PDS5A: variants seen among roughly 807,000 people sequenced by gnomAD.
PDS5A encodes PDS5 cohesin associated factor A.
A neutral mutation model predicts 167.1 loss-of-function variants in PDS5A; 42 were observed. That is an observed-to-expected ratio of 0.25 (90% CI 0.20 to 0.33). The LOEUF (loss-of-function observed/expected upper bound fraction) is 0.33. Ranked by LOEUF, PDS5A falls within the 10% of genes least tolerant of loss-of-function variation. PDS5A has a pLI of 1.00. For synonymous variants in PDS5A, 553 were observed against 554.6 expected (o/e 1.00, Z 0.04); for missense variants, 1,033 against 1,605.9 (o/e 0.64, Z 6.10).
chr4:39,904,470 C>T (rs865835759), intron 11 of PDS5A, among the ~76,000 whole-genome samples: 1 of 152,182 alleles, frequency 6.6e-6, no homozygotes, highest in Non-Finnish European at 1.5e-5. Flanking sequence ...TCCCAAGTAG[C>T]TGGGACTACA....
chr4:39,835,128 C>T (rs773210004), intron 32 of PDS5A, among the ~76,000 whole-genome samples: 38 of 152,218 alleles, frequency 2.5e-4, no homozygotes, highest in Middle Eastern at 3.4e-3. Flanking sequence ...TCAGTGGAGA[C>T]AGGCTTTCAC....
rs1731089894 is a variant in PDS5A, at chr4:39,976,434, A to G, written c.138+6T>C. On this transcript the variant is annotated splice_donor_region_variant and intron_variant, in intron 2 of 32. Transcript: ENST00000303538. The stretch of plus-strand genomic sequence containing the variant: ...CAAAGACATCAAAATCCGTCCAGAC[A>G]CTTACCTTCAGGCGTTTGATCATCT... The G allele has an allele frequency of 6.2e-7, 1 of 1,610,636 alleles. No homozygotes were observed. Among genetic ancestry groups the G allele is most frequent in the Admixed American group, 1.7e-5 (1 of 59,942 alleles).
At chr4:39,966,593 G>A (rs925992379) in intron 2 of PDS5A, among the ~76,000 whole-genome samples, 7 of 152,182 alleles carry the variant, frequency 4.6e-5, no homozygotes, top group Admixed American at 3.9e-4. Flanking sequence ...CAACAAAACA[G>A]TAGGTATTTT....
At chr4:39,845,905 A>G in intron 28 of PDS5A, 25 bp from the exon 29 acceptor site, 1 of 1,327,954 alleles carries the variant, frequency 7.5e-7, no homozygotes, top group Non-Finnish European at 9.8e-7. Flanking sequence ...AAAGAAAAAG[A>G]AAAAAGAAAC....
intron 17 of PDS5A, among the ~76,000 whole-genome samples, chr4:39,881,932 G>A (rs1299807): frequency 6.6e-6 from 1 of 152,240 alleles, no homozygotes; most frequent in Admixed American, 6.5e-5. Flanking sequence ...ATAAATCTCA[G>A]GAGATCTGAT....
chr4:39,825,997 C>T (rs1715269852), intron 32 of PDS5A, among the ~76,000 whole-genome samples: 1 of 152,088 alleles, frequency 6.6e-6, no homozygotes, highest in Admixed American at 6.6e-5. Context: ...AACCAAACAC[C>T]AATAAAGAAG....
chr4:39,925,790 TA>T, intron 5 of PDS5A, 45 bp downstream of exon 5: 1 of 717,298 alleles, frequency 1.4e-6, no homozygotes, highest in Non-Finnish European at 2.3e-6. Flanking sequence ...TCTGAATACA[TA>T]ATCAAGAAAA....
chr4:39,908,632 G>A (rs1017222497), intron 10 of PDS5A, 92 bp from the exon 11 acceptor site: 91 of 767,554 alleles, frequency 1.2e-4, no homozygotes, highest in Admixed American at 7.9e-4. Context: ...TTAAGTTTTT[G>A]TCCATACTAA....
intron 21 of PDS5A, among the ~76,000 whole-genome samples, chr4:39,871,791 C>T (rs1333638765): frequency 1.3e-5 from 2 of 152,138 alleles, no homozygotes; most frequent in Non-Finnish European, 2.9e-5. Context: ...GCAACCTCTG[C>T]CTCCCGGGTT....
At chr4:39,902,317 A>C in intron 13 of PDS5A, 30 bp downstream of exon 13, 5 of 990,630 alleles carry the variant, frequency 5.0e-6, no homozygotes, top group Non-Finnish European at 7.8e-6. Context: ...ATCCTTAGAA[A>C]ATACAGCAGT....
chr4:39,970,045 T>G (rs1044824872), intron 2 of PDS5A, among the ~76,000 whole-genome samples: 4 of 150,936 alleles, frequency 2.7e-5, no homozygotes, highest in Admixed American at 1.3e-4. Flanking sequence ...AGAAAAAGGG[T>G]TTCACTATGT....
At chr4:39,855,235 A>G (rs1386078908) in intron 26 of PDS5A, among the ~76,000 whole-genome samples, 1 of 152,334 alleles carries the variant, frequency 6.6e-6, no homozygotes, top group Admixed American at 6.5e-5. Context: ...TCAGGGTCAC[A>G]GGCTGACCAT....
chr4:39,972,092 T>A (rs958449614), intron 2 of PDS5A, among the ~76,000 whole-genome samples: 4 of 152,198 alleles, frequency 2.6e-5, no homozygotes, highest in Non-Finnish European at 5.9e-5. Flanking sequence ...AACAAATGGA[T>A]AATCAAACTC....
intron 22 of PDS5A, among the ~76,000 whole-genome samples, chr4:39,868,905 C>T (rs899381247): frequency 1.3e-5 from 2 of 152,164 alleles, no homozygotes; most frequent in Admixed American, 1.3e-4. Flanking sequence ...TGCCACAGTG[C>T]CCAGCTTGAC....
chr4:39,826,286 CCTACTCCT>C (rs1488159150), intron 32 of PDS5A, among the ~76,000 whole-genome samples: 2 of 151,080 alleles, frequency 1.3e-5, no homozygotes, highest in African/African-American at 2.4e-5. Flanking sequence ...CCTCCTCTCA[CCTACTCCT>C]CTTTGGGAGA....
intron 13 of PDS5A, among the ~76,000 whole-genome samples, chr4:39,901,416 C>CA (rs1324908910): frequency 6.6e-6 from 1 of 151,846 alleles, no homozygotes; most frequent in Non-Finnish European, 1.5e-5. Context: ...TACAGGCGTG[C>CA]ACCACCATGC....
At chr4:39,890,579 C>T (rs948879698) in intron 16 of PDS5A, among the ~76,000 whole-genome samples, 1 of 152,092 alleles carries the variant, frequency 6.6e-6, no homozygotes, top group African/African-American at 2.4e-5. Flanking sequence ...GTGAACACAG[C>T]CTTGCCTCAC....
chr4:39,973,633 G>T (rs192578575), intron 2 of PDS5A: 1 of 1,316,138 alleles, frequency 7.6e-7, no homozygotes, highest in East Asian at 2.3e-5. Context: ...AGCAGTTACA[G>T]AAATGAACGG....
intron 11 of PDS5A, among the ~76,000 whole-genome samples, chr4:39,906,043 G>A (rs1723311567): frequency 6.6e-6 from 1 of 151,842 alleles, no homozygotes; most frequent in South Asian, 2.1e-4. Context: ...TAAACTATCA[G>A]TCCAAGAATT....
Sources: allele counts gnomAD v4.1 joint callset (sites outside exome capture counted in the v4.1 genomes callset), GRCh38; gene constraint gnomAD v4.1.1; transcripts MANE v1.5; gene names NCBI Gene and HGNC (gene_info 2026-07-23, HGNC 2026-07-21).